The following TRIO variants were observed in gnomAD, a reference collection of about 807,000 sequenced individuals.
The protein encoded by TRIO is trio Rho guanine nucleotide exchange factor.
In TRIO, 58 loss-of-function variants were observed where a neutral mutation model predicts 351.9. The observed-to-expected ratio is 0.16, with a 90% CI of 0.13 to 0.21. The LOEUF (loss-of-function observed/expected upper bound fraction) is 0.21, where lower values mean the gene tolerates loss of function less well. Among genes scored for constraint, TRIO ranks in the 10% least tolerant of loss-of-function variants. The probability of loss-of-function intolerance (pLI) is 1.00; values close to 1 mark genes in which losing one functional copy is unlikely to be tolerated. For missense variants in TRIO, 3,201 were observed against 4,027.8 expected, an observed-to-expected ratio of 0.79 and a Z score of 5.56; for synonymous variants, 1,758 against 1,595.7, an observed-to-expected ratio of 1.10 and a Z score of -2.42.
At chr5:14,372,172 G>A (rs767741857) in intron 18 of TRIO, among the ~76,000 whole-genome samples, 6 of 149,028 alleles carry the variant, frequency 4.0e-5, no homozygotes, top group Non-Finnish European at 5.9e-5. Flanking sequence ...GTAGATTTTT[G>A]TTAGGTTGTG....
In TRIO at chr5:14,509,181, G is replaced by A. The variant is rs1197811841; in HGVS notation, c.*759G>A. On this transcript the variant is annotated 3_prime_UTR_variant, in exon 57 of 57. Transcript: ENST00000344204. ...CCTCCCCCTGTTCCTGCCCCAAGCC[G>A]TCAATCAGATTGTGGAGCAGTACAC... 3.2e-5 allele frequency: 8 copies of A among 253,604 alleles called. No individual in the cohort carries two copies. The highest frequency in any genetic ancestry group is 5.4e-5 in the Non-Finnish European group (7 of 129,836). 15.7% of individuals were successfully genotyped at this position (253,604 alleles called of 1,614,324 possible). A position where few individuals can be genotyped will look rare whatever the true frequency, so the allele number is the denominator to read the frequency against.
At chr5:14,312,898 G>C (rs1739052381) in intron 8 of TRIO, among the ~76,000 whole-genome samples, 1 of 152,124 alleles carries the variant, frequency 6.6e-6, no homozygotes, top group Admixed American at 6.5e-5. Context: ...TAAAATTGTA[G>C]CATGTTGTTT....
rs549660419 is a variant in TRIO at position 14,320,595 on chromosome 5, A to T, written c.1731+3852A>T. ...CATGTTGGACCATTTTTTAATTAAT[A>T]TTCTTTAAAAAATGATCAGGCAAAC... On this transcript the variant is annotated intron_variant, in intron 9 of 56. Transcript: ENST00000344204. Among the ~76,000 whole-genome samples, 5 of 152,200 alleles carry T rather than the reference A, an allele frequency of 3.3e-5. No individual in the cohort carries two copies. The East Asian group carries it at 9.7e-4, about 29-fold the overall frequency.
chr5:14,177,053 T>C (rs1789448552), intron 1 of TRIO, among the ~76,000 whole-genome samples: 2 of 152,238 alleles, frequency 1.3e-5, no homozygotes, highest in South Asian at 4.1e-4. Context: ...TGTCCAGCTT[T>C]ACATACTGTA....
chr5:14,335,496 G>A (rs1741313509), intron 10 of TRIO, among the ~76,000 whole-genome samples: 2 of 152,178 alleles, frequency 1.3e-5, no homozygotes, highest in Non-Finnish European at 2.9e-5. Flanking sequence ...CTCCGCAGCA[G>A]CTTCCTGTAA....
intron 30 of TRIO, 114 bp from the exon 31 acceptor site, chr5:14,400,849 C>A: frequency 2.4e-6 from 2 of 841,830 alleles, no homozygotes; most frequent in Admixed American, 2.5e-5. Flanking sequence ...TCACTAGTGA[C>A]GTTCTTATAA....
chr5:14,429,923 CCTG>C (rs1750950270), intron 34 of TRIO, among the ~76,000 whole-genome samples: 1 of 152,274 alleles, frequency 6.6e-6, no homozygotes, highest in East Asian at 1.9e-4. Flanking sequence ...TACCTAGAGA[CCTG>C]CTTCATTTTT....
intron 21 of TRIO, among the ~76,000 whole-genome samples, chr5:14,381,719 G>A (rs567668578): frequency 6.6e-6 from 1 of 152,196 alleles, no homozygotes; most frequent in African/African-American, 2.4e-5. Flanking sequence ...GTCTGCAGTT[G>A]TCTGTGTTTT....
chr5:14,297,371 C>T (rs370532748), intron 7 of TRIO, 108 bp downstream of exon 7: 26 of 1,272,682 alleles, frequency 2.0e-5, no homozygotes, highest in Middle Eastern at 5.5e-4. Flanking sequence ...CTGTGAGCTC[C>T]GCATGTGAGC....
At chr5:14,183,937 T>A (rs1223560356) in intron 1 of TRIO, 2 of 697,586 alleles carry the variant, frequency 2.9e-6, no homozygotes, top group Non-Finnish European at 5.2e-6. Context: ...ATTAATAAAT[T>A]ACCCAAGAGG....
intron 1 of TRIO, among the ~76,000 whole-genome samples, chr5:14,165,500 C>T (rs867522252): frequency 1.4e-4 from 22 of 152,240 alleles, no homozygotes; most frequent in Admixed American, 5.2e-4. Context: ...TTTCTTTATC[C>T]AGTCTACCAT....
intron 34 of TRIO, among the ~76,000 whole-genome samples, chr5:14,424,488 T>TA (rs1221501217): frequency 6.6e-6 from 1 of 152,050 alleles, no homozygotes; most frequent in African/African-American, 2.4e-5. Flanking sequence ...ATGAGAAAAT[T>TA]AAAGGGAAAA....
chr5:14,469,026 C>CA lies in TRIO; in HGVS notation c.5764-2292_5764-2291insA, dbSNP rs527271636. 7.6e-4 allele frequency among the ~76,000 whole-genome samples: 115 copies of CA among 152,266 alleles called. 3 individuals carry two copies. In the South Asian group the frequency reaches 0.023, roughly 30 times the overall value. On this transcript the variant is annotated intron_variant, in intron 37 of 56. Transcript: ENST00000344204. ...GCAATAGAGTAATAGTTCCCTGCCG[C>CA]CACAGTGATTGTGTGAACTTGACTT...
chr5:14,308,991 C>A lies in TRIO; in HGVS notation c.1500+4399C>A, dbSNP rs1352990266. 2.6e-5 allele frequency among the ~76,000 whole-genome samples: 4 copies of A among 151,704 alleles called. 1 individual carries two copies. Among genetic ancestry groups the A allele is most frequent in the African/African-American group, 9.7e-5 (4 of 41,288 alleles). On this transcript the variant is annotated intron_variant, in intron 8 of 56. Coordinates refer to ENST00000344204, the MANE Select transcript of TRIO (RefSeq NM_007118.4). Reference sequence around the variant, plus strand: ...GTCACCCAACTGTCCATCGCCACCTCATCACCCAACCATCCATCCACCCAC... The same window carrying A: ...GTCACCCAACTGTCCATCGCCACCTAATCACCCAACCATCCATCCACCCAC...
intron 1 of TRIO, among the ~76,000 whole-genome samples, chr5:14,257,325 G>A (rs535077022): frequency 6.6e-6 from 1 of 152,180 alleles, no homozygotes; most frequent in Non-Finnish European, 1.5e-5. Context: ...ATCCTTTAAG[G>A]GAGACACGGA....
chr5:14,461,532 A>G (rs995279363), intron 35 of TRIO, among the ~76,000 whole-genome samples: 1 of 152,180 alleles, frequency 6.6e-6, no homozygotes, highest in Non-Finnish European at 1.5e-5. Flanking sequence ...GTGGCTTCTG[A>G]TTAAAAACAA....
chr5:14,357,370 A>C (rs1218512855), intron 11 of TRIO, among the ~76,000 whole-genome samples: 2 of 152,170 alleles, frequency 1.3e-5, no homozygotes, highest in African/African-American at 4.8e-5. Flanking sequence ...TAATGTAATT[A>C]ATTGTCTTTT....
At chr5:14,382,050 G>A (rs769809794) in intron 21 of TRIO, among the ~76,000 whole-genome samples, 5 of 152,110 alleles carry the variant, frequency 3.3e-5, no homozygotes, top group Admixed American at 6.5e-5. Flanking sequence ...CTGAGTATAC[G>A]TCCTTTGTAG....
At chr5:14,367,508 C>G (rs975518664) in intron 16 of TRIO, among the ~76,000 whole-genome samples, 1 of 152,170 alleles carries the variant, frequency 6.6e-6, no homozygotes, top group African/African-American at 2.4e-5. Context: ...GCCTTGTTCA[C>G]CTTGACAAGG....
Sources: gnomAD v4.1 joint callset for allele counts (sites outside exome capture counted in the v4.1 genomes callset) on GRCh38, gnomAD v4.1.1 for gene constraint, MANE v1.5 for transcripts, NCBI Gene and HGNC (gene_info 2026-07-23, HGNC 2026-07-21) for gene names.